The following STPG2 variants were observed in gnomAD, a reference collection of about 807,000 sequenced individuals.
STPG2 encodes sperm tail PG-rich repeat containing 2.
STPG2 carries 56 observed loss-of-function variants against 54.2 expected under a neutral mutation model. The observed-to-expected ratio is 1.03, with a 90% CI of 0.83 to 1.29. STPG2 has a LOEUF of 1.29. STPG2 is among the 50% of genes most tolerant of loss of function. The probability of loss-of-function intolerance (pLI) is 0.00; values close to 1 mark genes in which losing one functional copy is unlikely to be tolerated. For synonymous variants in STPG2, 200 were observed against 181.8 expected (o/e 1.10, Z -0.81); for missense variants, 596 against 544.9 (o/e 1.09, Z -0.93).
intron 5 of STPG2, among the ~76,000 whole-genome samples, chr4:98,007,477 G>T (rs783936): frequency 0.43 from 65,325 of 151,968 alleles, 14,782 homozygotes; most frequent in Admixed American, 0.55. Context: ...CACAATGGAA[G>T]TGAATTCAAA....
chr4:97,745,253 A>AC (rs1340301733), intron 9 of STPG2, among the ~76,000 whole-genome samples: 2 of 98,152 alleles, frequency 2.0e-5, no homozygotes, highest in Non-Finnish European at 4.3e-5. Context: ...CTAAAAAAAA[A>AC]ACAAAAAAAC....
At chr4:97,463,849 C>G (rs1433907261) in intron 4 of STPG2, among the ~76,000 whole-genome samples, 1 of 152,128 alleles carries the variant, frequency 6.6e-6, no homozygotes, top group African/African-American at 2.4e-5. Context: ...TTTCAGATTT[C>G]CTTAGCATTC....
intron 9 of STPG2, among the ~76,000 whole-genome samples, chr4:97,816,665 C>T (rs1727921022): frequency 6.6e-6 from 1 of 152,022 alleles, no homozygotes; most frequent in South Asian, 2.1e-4. Flanking sequence ...CTAAATAGAA[C>T]AAAAAGGCAG....
intron 5 of STPG2, among the ~76,000 whole-genome samples, chr4:98,049,763 T>C (rs1737255546): frequency 6.6e-6 from 1 of 152,136 alleles, no homozygotes; most frequent in African/African-American, 2.4e-5. Flanking sequence ...ATAATAGGTC[T>C]AGATTTTGAT....
At chr4:97,490,958 T>C (rs948848391) in intron 4 of STPG2, among the ~76,000 whole-genome samples, 7 of 151,596 alleles carry the variant, frequency 4.6e-5, no homozygotes, top group African/African-American at 1.7e-4. Flanking sequence ...GACCTCAGTT[T>C]ACTCAGCAAA....
intron 7 of STPG2, among the ~76,000 whole-genome samples, chr4:97,958,383 C>T (rs572311175): frequency 2.0e-5 from 3 of 152,038 alleles, no homozygotes; most frequent in African/African-American, 7.2e-5. Context: ...AATAGTACCT[C>T]ATATCTCAAT....
chr4:97,485,950 C>A (rs951562081), intron 4 of STPG2, among the ~76,000 whole-genome samples: 1 of 151,796 alleles, frequency 6.6e-6, no homozygotes, highest in East Asian at 1.9e-4. Context: ...TGAAAAGACA[C>A]CCTTTTCAAC....
chr4:97,549,823 C>A (rs1379719941), intron 4 of STPG2, among the ~76,000 whole-genome samples: 3 of 152,124 alleles, frequency 2.0e-5, no homozygotes, highest in African/African-American at 7.2e-5. Flanking sequence ...CAGTGTGACC[C>A]TGCTGACACC....
chr4:97,841,246 T>C (rs1157769086), intron 8 of STPG2, among the ~76,000 whole-genome samples: 1 of 151,708 alleles, frequency 6.6e-6, no homozygotes, highest in Non-Finnish European at 1.5e-5. Flanking sequence ...CTTATAAGAA[T>C]GAGAGCAATG....
chr4:97,571,526 C>G (rs4327495), intron 10 of STPG2, among the ~76,000 whole-genome samples: 96,852 of 152,020 alleles, frequency 0.64, 32,070 homozygotes, highest in African/African-American at 0.83. Flanking sequence ...TAAAGCTTTG[C>G]TCTCCACCAC....
chr4:97,794,792 A>T (rs1419505856), intron 9 of STPG2, among the ~76,000 whole-genome samples: 1 of 152,174 alleles, frequency 6.6e-6, no homozygotes, highest in East Asian at 1.9e-4. Context: ...GTTTTTCCAA[A>T]GATTGGCTCT....
chr4:97,739,446 A>AG (rs1725141851), intron 9 of STPG2, among the ~76,000 whole-genome samples: 3 of 152,340 alleles, frequency 2.0e-5, no homozygotes, highest in African/African-American at 7.2e-5. Flanking sequence ...GAAAGGATCA[A>AG]CAAAATTGAT....
intron 10 of STPG2, among the ~76,000 whole-genome samples, chr4:97,655,925 A>G (rs1722207884): frequency 6.6e-6 from 1 of 152,296 alleles, no homozygotes; most frequent in African/African-American, 2.4e-5. Context: ...TAAATTATTA[A>G]GTAATACTGT....
intron 10 of STPG2, among the ~76,000 whole-genome samples, chr4:97,617,165 G>A (rs897989848): frequency 1.3e-5 from 2 of 151,554 alleles, no homozygotes; most frequent in Non-Finnish European, 2.9e-5. Context: ...AATCTAAACT[G>A]TTGTTCATGA....
Position 98,143,049 on chromosome 4 carries a change from C to T in STPG2, c.102G>A (p.Gln34=). The change falls in exon 1 of 11, where the codon CAG becomes CAA. Residue 34 remains glutamine, a synonymous_variant. Coordinates refer to ENST00000295268, the MANE Select transcript of STPG2 (RefSeq NM_174952.3). ...CCTCTTCCTACATCTTACCTGTCGC[C>T]TGCTGCTTCAGGAAAGGTACCTGGT... is the stretch of plus-strand genomic sequence containing the variant. The part of the protein sequence containing the change: ...GSYQVPFLKQ[Q]ATGSNAPFLS... 6.2e-7 allele frequency: 1 copy of T among 1,611,520 alleles called. No homozygotes were observed. Among genetic ancestry groups the T allele is most frequent in the Non-Finnish European group, 8.5e-7 (1 of 1,178,588 alleles).
chr4:97,989,438 GT>G (rs1214960634), intron 5 of STPG2, among the ~76,000 whole-genome samples: 4 of 151,976 alleles, frequency 2.6e-5, no homozygotes, highest in East Asian at 3.9e-4. Context: ...TATACACTAT[GT>G]TTTTTTCTAT....
intron 8 of STPG2, among the ~76,000 whole-genome samples, chr4:97,926,967 A>G (rs1424967192): frequency 6.6e-6 from 1 of 152,082 alleles, no homozygotes; most frequent in Non-Finnish European, 1.5e-5. Context: ...AATTCTTACC[A>G]TGGCCCTATC....
At chr4:97,737,949 G>A (rs957901379) in intron 9 of STPG2, among the ~76,000 whole-genome samples, 1 of 152,092 alleles carries the variant, frequency 6.6e-6, no homozygotes, top group Non-Finnish European at 1.5e-5. Context: ...AAATGTTAAG[G>A]GCAGCCAGAG....
chr4:98,109,138 A>C, intron 4 of STPG2, 55 bp downstream of exon 4: 1 of 1,124,466 alleles, frequency 8.9e-7, no homozygotes, highest in Non-Finnish European at 1.3e-6. Context: ...TGAATTATTA[A>C]AATACTTTTC....
Sources: gnomAD v4.1 joint callset for allele counts (sites outside exome capture counted in the v4.1 genomes callset) on GRCh38, gnomAD v4.1.1 for gene constraint, MANE v1.5 for transcripts, NCBI Gene and HGNC (gene_info 2026-07-23, HGNC 2026-07-21) for gene names.